The following SEMA6A variants were observed in gnomAD, a reference collection of about 807,000 sequenced individuals.
SEMA6A encodes the protein semaphorin-6A.
Under a neutral mutation model 96.8 loss-of-function variants are expected in SEMA6A, and 25 were observed. The ratio of observed to expected loss-of-function variants is 0.26; its 90% CI spans 0.19 to 0.36. SEMA6A has a LOEUF of 0.36. Ranked by LOEUF, SEMA6A falls within the 10% of genes least tolerant of loss-of-function variation. The probability of loss-of-function intolerance (pLI) is 1.00; values close to 1 mark genes in which losing one functional copy is unlikely to be tolerated. For missense variants in SEMA6A, 1,363 were observed against 1,323.1 expected, an observed-to-expected ratio of 1.03 and a Z score of -0.47; for synonymous variants, 612 against 518.0, an observed-to-expected ratio of 1.18 and a Z score of -2.46.
Position 116,467,606 on chromosome 5 carries a change from G to A in SEMA6A, c.1871C>T (p.Ser624Phe), listed in dbSNP as rs753952234. 6.2e-7 allele frequency: 1 copy of A among 1,613,102 alleles called. No homozygotes were observed. Among genetic ancestry groups the A allele is most frequent in the South Asian group, 1.1e-5 (1 of 90,966 alleles). ...ACCCTTCTTGTCTTGGTGATTATGG[G>A]AAGACACTGCCCCCAAAGGGTCTGT... ...DSTDPLGAVSSHNHQDKKGVI... is the reference protein window; with the variant it reads ...DSTDPLGAVSFHNHQDKKGVI... Residue 624 changes from serine (S) to phenylalanine (F), a missense_variant, in exon 18 of 19, where the codon TCC (serine) becomes TTC (phenylalanine). Physicochemically the swap from Ser to Phe is radical, Grantham distance 155. Coordinates refer to ENST00000343348, the MANE Select transcript of SEMA6A (RefSeq NM_020796.5).
chr5:116,473,060 A>T lies in SEMA6A; in HGVS notation c.1729+13T>A, dbSNP rs1756247103. 1.3e-6 allele frequency: 2 copies of T among 1,590,840 alleles called. No homozygotes were observed. Among genetic ancestry groups the T allele is most frequent in the East Asian group, 4.5e-5 (2 of 44,136 alleles). ...CCACCAGTATGGAATTATGAGAGTA[A>T]TATCTTCCTTACCATTCAGTGCCAC... On this transcript the variant is annotated intron_variant, in intron 17 of 18. Transcript: ENST00000343348.
intron 18 of SEMA6A, among the ~76,000 whole-genome samples, chr5:116,462,766 G>C (rs1037105427): frequency 6.6e-6 from 1 of 152,144 alleles, no homozygotes. Flanking sequence ...CTTGGTAATA[G>C]TTTAATCTTC....
intron 7 of SEMA6A, among the ~76,000 whole-genome samples, chr5:116,490,180 G>C (rs1757263427): frequency 6.6e-6 from 1 of 152,114 alleles, no homozygotes; most frequent in Non-Finnish European, 1.5e-5. Flanking sequence ...AATATTAACA[G>C]CTATATATCA....
rs930228608 is a variant in SEMA6A at position 116,444,028 on chromosome 5, A to G, written c.*2585T>C. On this transcript the variant is annotated 3_prime_UTR_variant, in exon 19 of 19. Coordinates refer to ENST00000343348, the MANE Select transcript of SEMA6A (RefSeq NM_020796.5). ...CTGGACAAGACAGCCGCTTACGTCAATGATGGGTGCTGCACTGCCAGTACT... is the reference window on the plus strand; with the variant it reads ...CTGGACAAGACAGCCGCTTACGTCAGTGATGGGTGCTGCACTGCCAGTACT... The G allele has an allele frequency of 1.3e-5, 2 of 152,132 alleles. No homozygotes were observed. The highest frequency in any genetic ancestry group is 6.6e-5 in the Admixed American group (1 of 15,266). 9.4% of individuals were successfully genotyped at this position (152,132 alleles called of 1,614,324 possible).
intron 18 of SEMA6A, chr5:116,449,989 T>C (rs963041159): frequency 6.6e-6 from 1 of 152,214 alleles, no homozygotes; most frequent in Admixed American, 6.5e-5. Context: ...TGCATTCAAA[T>C]ATATTTTAGT....
chr5:116,464,805 A>T (rs1231023790), intron 18 of SEMA6A, among the ~76,000 whole-genome samples: 1 of 152,210 alleles, frequency 6.6e-6, no homozygotes, highest in Non-Finnish European at 1.5e-5. Context: ...TGTTTGGAGG[A>T]TGAAGTGGAC....
intron 1 of SEMA6A, among the ~76,000 whole-genome samples, chr5:116,549,468 G>A (rs1414907021): frequency 1.3e-5 from 2 of 152,164 alleles, no homozygotes; most frequent in Admixed American, 6.5e-5. Context: ...GGTAGCTCAA[G>A]CTAAAACCCC....
intron 1 of SEMA6A, among the ~76,000 whole-genome samples, chr5:116,558,073 A>G (rs1169893883): frequency 2.0e-5 from 3 of 152,214 alleles, no homozygotes; most frequent in Non-Finnish European, 4.4e-5. Context: ...CCAAACAAAC[A>G]GTTTCATAAA....
At chr5:116,488,852 C>T (rs1027861888) in intron 8 of SEMA6A, 36 bp downstream of exon 8, 2 of 1,533,592 alleles carry the variant, frequency 1.3e-6, no homozygotes, top group Non-Finnish European at 1.8e-6. Context: ...GTATTCCCCT[C>T]CCCTCCGACC....
At position 116,478,136 on chromosome 5, in the gene SEMA6A, G is replaced by C. The variant is rs750533412; in HGVS notation, c.1446C>G (p.Val482=). ...YNSEKCSYDG[V]EDKRIMGMQL... ...GCATGCCCATGATCCTTTTGTCTTC[G>C]ACTCCATCATAGCTGCATCTAATTT... Residue 482 remains valine, a synonymous_variant, in exon 14 of 19, where the codon GTC becomes GTG. Transcript: ENST00000343348. 32 of 1,613,638 alleles carry C rather than the reference G, an allele frequency of 2.0e-5. No homozygotes were observed. Among genetic ancestry groups the C allele is most frequent in the Non-Finnish European group, 2.3e-5 (27 of 1,179,846 alleles).
chr5:116,504,837 G>A lies in SEMA6A; in HGVS notation c.100+8C>T. ...AGGGAGACACTGAGTGAGACCATGG[G>A]TACTTACAGTTGCCATGCGAAATAC... On this transcript the variant is annotated splice_region_variant and intron_variant, in intron 2 of 18. Transcript: ENST00000343348. 2.5e-6 allele frequency: 4 copies of A among 1,581,902 alleles called. No individual in the cohort carries two copies. The highest frequency in any genetic ancestry group is 2.3e-5 in the South Asian group (2 of 86,686).
In SEMA6A at chr5:116,474,303, C is replaced by CACACACAT. The variant is rs1554083483; in HGVS notation, c.1709-1218_1709-1211dup. ...GCACACACACACACACACACACACA[C>CACACACAT]ACACACATCTTAAAACCTGTTTCCT... On this transcript the variant is annotated intron_variant, in intron 16 of 18. Transcript: ENST00000343348. 3.5e-3 allele frequency among the ~76,000 whole-genome samples: 530 copies of CACACACAT among 151,826 alleles called. 3 individuals are homozygous for CACACACAT. The highest frequency in any genetic ancestry group is 0.012 in the African/African-American group (512 of 41,428).
chr5:116,555,663 AC>A (rs1209788849), intron 1 of SEMA6A, among the ~76,000 whole-genome samples: 1 of 146,926 alleles, frequency 6.8e-6, no homozygotes, highest in Non-Finnish European at 1.5e-5. Flanking sequence ...ACATGGCAAG[AC>A]CCCCCCTCAA....
chr5:116,478,939 T>A (rs1204898811), intron 12 of SEMA6A, among the ~76,000 whole-genome samples: 2 of 151,182 alleles, frequency 1.3e-5, no homozygotes, highest in Non-Finnish European at 3.0e-5. Context: ...AGTGTGTGTG[T>A]GTGTGTGTGT....
chr5:116,541,270 A>G (rs17140067), intron 1 of SEMA6A, among the ~76,000 whole-genome samples: 5,718 of 152,272 alleles, frequency 0.038, 158 homozygotes, highest in Admixed American at 0.074. Flanking sequence ...AACACCACAC[A>G]TCTTTATCTA....
At chr5:116,510,495 G>A (rs1182320833) in intron 1 of SEMA6A, among the ~76,000 whole-genome samples, 2 of 152,160 alleles carry the variant, frequency 1.3e-5, no homozygotes, top group South Asian at 2.1e-4. Context: ...TAAGCTCTAT[G>A]AGCCTCAGTT....
At chr5:116,543,019 A>C (rs543952029) in intron 1 of SEMA6A, among the ~76,000 whole-genome samples, 2 of 152,206 alleles carry the variant, frequency 1.3e-5, no homozygotes, top group African/African-American at 2.4e-5. Context: ...ACAGAGCTCA[A>C]ATAGCATATC....
In SEMA6A at chr5:116,482,926, A is replaced by C. The variant is rs143137875; in HGVS notation, c.963-351T>G. Among the ~76,000 whole-genome samples, 1,072 of 152,292 alleles carry C rather than the reference A, an allele frequency of 7.0e-3. 20 individuals are homozygous for C. The highest frequency in any genetic ancestry group is 8.1e-3 in the Non-Finnish European group (548 of 68,034). ...TAATTATCAGTTAATGACCTCTCTG[A>C]AGTCTCTGGAGAGCGTTCTGTGTCA... On this transcript the variant is annotated intron_variant, in intron 10 of 18. Coordinates refer to ENST00000343348, the MANE Select transcript of SEMA6A (RefSeq NM_020796.5).
chr5:116,506,032 ATC>A (rs1298608546), intron 1 of SEMA6A, among the ~76,000 whole-genome samples: 1 of 152,234 alleles, frequency 6.6e-6, no homozygotes, highest in Admixed American at 6.5e-5. Flanking sequence ...GCCAAAGATT[ATC>A]TTTTTTGAAC....
Sources: gnomAD v4.1 joint callset for allele counts (sites outside exome capture counted in the v4.1 genomes callset) on GRCh38, gnomAD v4.1.1 for gene constraint, MANE v1.5 for transcripts, NCBI Gene and HGNC (gene_info 2026-07-23, HGNC 2026-07-21) for gene names.